NR5A1: variants seen among roughly 807,000 people sequenced by gnomAD.
NR5A1 encodes nuclear receptor subfamily 5 group A member 1.
A neutral mutation model predicts 42.7 loss-of-function variants in NR5A1; 6 were observed. The observed-to-expected ratio is 0.14, with a 90% CI of 0.08 to 0.28. The LOEUF is 0.28. Among genes scored for constraint, NR5A1 ranks in the 10% least tolerant of loss-of-function variants. The pLI, the probability that NR5A1 is intolerant of heterozygous loss-of-function variation, is 1.00. For missense variants in NR5A1, 442 were observed against 626.4 expected (o/e 0.71, Z 3.14); for synonymous variants, 274 against 277.5 (o/e 0.99, Z 0.12).
intron 4 of NR5A1, among the ~76,000 whole-genome samples, chr9:124,494,152 C>T (rs1832355480): frequency 1.3e-5 from 2 of 152,198 alleles, no homozygotes; most frequent in South Asian, 2.1e-4. Context: ...TGGCCACCAT[C>T]GACCCAAAAG....
intron 6 of NR5A1, among the ~76,000 whole-genome samples, chr9:124,489,038 A>G (rs973503837): frequency 2.0e-5 from 3 of 152,250 alleles, no homozygotes; most frequent in Admixed American, 6.5e-5. Context: ...CCTGGACCCA[A>G]GAGAAGAGGG....
Position 124,503,002 on chromosome 9 carries a change from T to A in NR5A1, c.244+77A>T. 20 of 1,470,916 alleles carry A rather than the reference T, an allele frequency of 1.4e-5. No homozygotes were observed. Among genetic ancestry groups the A allele is most frequent in the East Asian group, 2.7e-5 (1 of 37,554 alleles). The allele number at this position is 1,470,916 out of a possible 1,614,324, so 91.1% of individuals were successfully genotyped here. On this transcript the variant is annotated intron_variant, in intron 3 of 6. Transcript: ENST00000373588. The surrounding 1 kb of genome is among the most constrained non-coding windows in gnomAD (Gnocchi z 9.6). Reference sequence around the variant, plus strand: ...CGCGAAGGCCAATGGTACTATCCCCTCAGCCCCTCTCCCACCCCCACCCCC... The same window carrying A: ...CGCGAAGGCCAATGGTACTATCCCCACAGCCCCTCTCCCACCCCCACCCCC...
chr9:124,495,487 C>T (rs966058262), intron 4 of NR5A1, among the ~76,000 whole-genome samples: 3 of 152,358 alleles, frequency 2.0e-5, no homozygotes, highest in Non-Finnish European at 4.4e-5. Context: ...AGGTTCCTAC[C>T]GGCCAGACTT....
intron 6 of NR5A1, among the ~76,000 whole-genome samples, chr9:124,485,848 G>A (rs1216036949): frequency 1.3e-5 from 2 of 152,126 alleles, no homozygotes; most frequent in Admixed American, 6.5e-5. Flanking sequence ...ATCTGCCTTC[G>A]CTCCCCACCA....
intron 6 of NR5A1, among the ~76,000 whole-genome samples, chr9:124,489,861 T>C (rs2131276198): frequency 6.6e-6 from 1 of 151,828 alleles, no homozygotes; most frequent in Non-Finnish European, 1.5e-5. Context: ...CAGCCTGTTC[T>C]GCCAGAATCG....
In NR5A1 at chr9:124,492,016, T is replaced by C. The variant is rs548587324; in HGVS notation, c.991-788A>G. Among the ~76,000 whole-genome samples, 641 of 151,392 alleles carry C rather than the reference T, an allele frequency of 4.2e-3. 12 individuals are homozygous for C. The highest frequency in any genetic ancestry group is 6.0e-3 in the Admixed American group (91 of 15,270). On this transcript the variant is annotated intron_variant, in intron 5 of 6. Transcript: ENST00000373588. Reference sequence around the variant, plus strand: ...ACAGGGAGCCCCAAAGACACCCCCCTGGGACCAGTGCTGCCCGTCCCGTCC... The same window carrying C: ...ACAGGGAGCCCCAAAGACACCCCCCCGGGACCAGTGCTGCCCGTCCCGTCC...
intron 1 of NR5A1, among the ~76,000 whole-genome samples, chr9:124,504,022 GAC>G (rs1233639251): frequency 3.0e-5 from 4 of 133,578 alleles, no homozygotes; most frequent in African/African-American, 1.5e-4. Context: ...GAGACAGGGA[GAC>G]AGAGAGAGAG....
chr9:124,484,263 C>T (rs1194757282), intron 6 of NR5A1, among the ~76,000 whole-genome samples: 1 of 152,196 alleles, frequency 6.6e-6, no homozygotes. Context: ...GAGTCAGGGG[C>T]CATCTCTGCT....
rs941499472 is a variant in NR5A1 at position 124,481,932 on chromosome 9, A to G, written c.*826T>C. On this transcript the variant is annotated 3_prime_UTR_variant, in exon 7 of 7. Transcript: ENST00000373588. ...GTCCCCTTCCCTCCATCACACACAC[A>G]TTTCAAGGAGTGTCTAGAAGCTTAA... The G allele has an allele frequency of 1.2e-4, 18 of 152,342 alleles. No individual in the cohort carries two copies. The highest frequency in any genetic ancestry group is 4.3e-4 in the African/African-American group (18 of 41,564). 9.4% of individuals were successfully genotyped at this position (152,342 alleles called of 1,614,324 possible). A position where few individuals can be genotyped will look rare whatever the true frequency, so the allele number is the denominator to read the frequency against.
At position 124,503,206 on chromosome 9, in the gene NR5A1, G is replaced by C; in HGVS notation, c.117C>G (p.Arg39=). Reference sequence around the variant, plus strand: ...TGTAGTGCTTGTTGTTCTGCACCGTGCGCTTGAAGAAGCCCTGCGGGAGCT... The same window carrying C: ...TGTAGTGCTTGTTGTTCTGCACCGTCCGCTTGAAGAAGCCCTGCGGGAGCT... ...TCESCKGFFK[R]TVQNNKHYTC... is the part of the protein sequence containing the mutation. The change falls in exon 3 of 7, where the codon CGC becomes CGG. Residue 39 remains arginine, a synonymous_variant. Transcript: ENST00000373588. The surrounding 1 kb of genome is among the most constrained non-coding windows in gnomAD (Gnocchi z 9.6). 1 of 1,604,916 alleles carries C rather than the reference G, an allele frequency of 6.2e-7. No homozygotes were observed. Among genetic ancestry groups the C allele is most frequent in the Non-Finnish European group, 8.5e-7 (1 of 1,176,394 alleles).
intron 5 of NR5A1, among the ~76,000 whole-genome samples, chr9:124,491,976 C>T (rs1832317299): frequency 6.6e-6 from 1 of 152,132 alleles, no homozygotes; most frequent in African/African-American, 2.4e-5. Flanking sequence ...ATGCAGACTG[C>T]AGGCACCTGC....
chr9:124,481,777 G>A lies in NR5A1; in HGVS notation c.*981C>T, dbSNP rs971446893. 6.6e-6 allele frequency: 1 copy of A among 152,150 alleles called. No homozygotes were observed. The highest frequency in any genetic ancestry group is 6.5e-5 in the Admixed American group (1 of 15,288). The allele number at this position is 152,150 out of a possible 1,614,324, so 9.4% of individuals were successfully genotyped here. ...GAGGGCGGGCAACAGCGCTTCTCTG[G>A]ATTGGGGCTGGGGCTCAGAAGTAAT... On this transcript the variant is annotated 3_prime_UTR_variant, in exon 7 of 7. Transcript: ENST00000373588.
In NR5A1 at chr9:124,493,127, A is replaced by C; in HGVS notation, c.893T>G (p.Leu298Arg). The C allele has an allele frequency of 6.2e-7, 1 of 1,611,876 alleles. No individual in the cohort carries two copies. Among genetic ancestry groups the C allele is most frequent in the Non-Finnish European group, 8.5e-7 (1 of 1,179,294 alleles). ...CAGCAGCTCGCTCCAGCAGTTCTGC[A>C]GCAGCGTCATCTGGTCGGCCACCTG... Reference protein sequence around the residue: ...ELEVADQMTLLQNCWSELLVF... With the variant: ...ELEVADQMTLRQNCWSELLVF... The change falls in exon 5 of 7, where the codon CTG (leucine) becomes CGG (arginine). Residue 298 changes from leucine (L) to arginine (R), a missense_variant. Around this residue, in one of 3 missense-constraint regions of NR5A1, gnomAD observed 163 missense variants for 265.8 expected, o/e 0.61. Transcript: ENST00000373588.
intron 1 of NR5A1, among the ~76,000 whole-genome samples, chr9:124,504,855 G>A (rs947893178): frequency 6.9e-6 from 1 of 145,924 alleles, no homozygotes; most frequent in South Asian, 2.1e-4. Context: ...CGGCGCGGGG[G>A]CCTCGGCTCC....
At chr9:124,491,015 T>TCCCCCCCC in intron 6 of NR5A1, 66 bp downstream of exon 6, 3 of 634,816 alleles carry the variant, frequency 4.7e-6, no homozygotes, top group Non-Finnish European at 8.3e-6. Flanking sequence ...CTCTCCAGCC[T>TCCCCCCCC]CACCCACCCT....
At chr9:124,491,870 G>C (rs1441245618) in intron 5 of NR5A1, among the ~76,000 whole-genome samples, 1 of 151,478 alleles carries the variant, frequency 6.6e-6, no homozygotes, top group Non-Finnish European at 1.5e-5. Context: ...TGGAGATTTT[G>C]CACAATAAAA....
chr9:124,484,037 T>A (rs973604440), intron 6 of NR5A1, among the ~76,000 whole-genome samples: 6 of 152,108 alleles, frequency 3.9e-5, no homozygotes, highest in Admixed American at 1.3e-4. Flanking sequence ...CTACCTTAAA[T>A]GTGCTCAGAC....
chr9:124,495,170 G>T (rs1033195019), intron 4 of NR5A1, among the ~76,000 whole-genome samples: 1 of 152,202 alleles, frequency 6.6e-6, no homozygotes, highest in Admixed American at 6.5e-5. Flanking sequence ...TCTTCCCAGA[G>T]CCCCTACCAT....
chr9:124,489,013 T>C (rs1588616628), intron 6 of NR5A1, among the ~76,000 whole-genome samples: 1 of 152,252 alleles, frequency 6.6e-6, no homozygotes, highest in Admixed American at 6.5e-5. Context: ...ACTTCCAGTT[T>C]TGAGCACGCC....
Sources: gnomAD v4.1 joint callset for allele counts (sites outside exome capture counted in the v4.1 genomes callset) on GRCh38, gnomAD v4.1.1 for gene constraint, gnomAD v4.1.1 regional missense constraint, Gnocchi (gnomAD v3.1) non-coding constraint, MANE v1.5 for transcripts, NCBI Gene and HGNC (gene_info 2026-07-23, HGNC 2026-07-21) for gene names.